Variants in SLC2A5 observed in about 807,000 individuals in gnomAD.
SLC2A5 encodes solute carrier family 2, facilitated glucose transporter member 5.
In SLC2A5, 56 loss-of-function variants were observed where a neutral mutation model predicts 50.3. The ratio of observed to expected loss-of-function variants is 1.11; its 90% CI spans 0.90 to 1.39. The LOEUF is 1.39. Among genes scored for constraint, SLC2A5 ranks in the 40% most tolerant of loss-of-function variants. The pLI is 0.00. For missense variants in SLC2A5, 566 were observed against 650.1 expected, an observed-to-expected ratio of 0.87 and a Z score of 1.41; for synonymous variants, 269 against 281.9, an observed-to-expected ratio of 0.95 and a Z score of 0.46.
chr1:9,086,488 A>T (rs1227623345), intron 1 of SLC2A5, among the ~76,000 whole-genome samples: 1 of 151,482 alleles, frequency 6.6e-6, no homozygotes, highest in Non-Finnish European at 1.5e-5. Flanking sequence ...TCCCAGGTTC[A>T]AGTGATTCTC....
In SLC2A5 at chr1:9,080,816, T is replaced by A. The variant is rs563653276; in HGVS notation, c.-59+4198A>T. On this transcript the variant is annotated intron_variant, in intron 2 of 5. Transcript: ENST00000464985. ...GGAATTATTTTGAGTCTTAAAGGAA[T>A]GTGCTTATGGGACCTTTAATCCCTC... 1.0e-3 allele frequency among the ~76,000 whole-genome samples: 155 copies of A among 152,368 alleles called. 1 individual carries two copies. Among genetic ancestry groups the A allele is most frequent in the African/African-American group, 3.7e-3 (152 of 41,580 alleles).
At chr1:9,047,091 A>G (rs1002186313) in intron 4 of SLC2A5, among the ~76,000 whole-genome samples, 7 of 152,164 alleles carry the variant, frequency 4.6e-5, no homozygotes, top group South Asian at 2.1e-4. Flanking sequence ...TAAGTCAATT[A>G]GACTTCTTTT....
upstream of SLC2A5, among the ~76,000 whole-genome samples, chr1:9,092,190 A>G (rs1642467768): frequency 2.0e-5 from 3 of 152,132 alleles, no homozygotes; most frequent in Admixed American, 2.0e-4. Flanking sequence ...GCCTCAACCA[A>G]TCACCCAATT....
rs753399377 is a variant in SLC2A5 at position 9,041,900 on chromosome 1, C to G, written c.456G>C (p.Glu152Asp). ...SSNVVPMYLG[E>D]LAPKNLRGAL... ...CCCCCCGCAGGTTTTTAGGGGCCAG[C>G]TCCCCTAAGTACATGGGGACCACGT... The change falls in exon 5 of 12, where the codon GAG becomes GAC. Residue 152 changes from glutamate to aspartate, a missense_variant. Glu to Asp is a conservative substitution (Grantham distance 45). Transcript: ENST00000377424. The G allele has an allele frequency of 1.9e-6, 3 of 1,613,522 alleles. No individual in the cohort carries two copies. In the East Asian group the frequency reaches 6.7e-5, roughly 36 times the overall value.
At chr1:9,063,727 G>A (rs1401782633) in intron 1 of SLC2A5, among the ~76,000 whole-genome samples, 2 of 93,112 alleles carry the variant, frequency 2.1e-5, no homozygotes, top group Admixed American at 1.7e-4. Context: ...CGGAGTCTTC[G>A]CTCTGTCGCC....
intron 1 of SLC2A5, among the ~76,000 whole-genome samples, chr1:9,066,062 T>C (rs956348179): frequency 1.3e-5 from 2 of 152,148 alleles, no homozygotes; most frequent in African/African-American, 4.8e-5. Flanking sequence ...GGTTAATTAA[T>C]CCATTAATTA....
chr1:9,039,816 AGCTGCTGGCC>A lies in SLC2A5; in HGVS notation c.859_868del (p.Gly287CysfsTer16), dbSNP rs1641249289. On this transcript the variant is annotated frameshift_variant, in exon 7 of 12. Coordinates refer to ENST00000377424, the MANE Select transcript of SLC2A5 (RefSeq NM_003039.3). LOFTEE classifies it high-confidence loss of function. ...GGCCCATACAGCGTTGACGCCCGACAGCTGCTGGCCGCCCATGAGGACGATGATGGACAGC... is the reference window on the plus strand; with the variant it reads ...GGCCCATACAGCGTTGACGCCCGACAGCCCATGAGGACGATGATGGACAGC... The A allele has an allele frequency of 6.3e-7, 1 of 1,597,298 alleles. No homozygotes were observed. The highest frequency in any genetic ancestry group is 2.3e-5 in the East Asian group (1 of 44,022).
At chr1:9,077,047 A>G (rs1028821631) in intron 2 of SLC2A5, among the ~76,000 whole-genome samples, 5 of 150,910 alleles carry the variant, frequency 3.3e-5, no homozygotes, top group African/African-American at 9.7e-5. Context: ...TCAGCCTCCC[A>G]AAGTGCTGGG....
chr1:9,037,738 TGAG>T lies in SLC2A5; in HGVS notation c.1351_1353del (p.Leu451del). The T allele has an allele frequency of 1.9e-6, 3 of 1,614,038 alleles. No homozygotes were observed. The highest frequency in any genetic ancestry group is 2.5e-6 in the Non-Finnish European group (3 of 1,180,014). On this transcript the variant is annotated inframe_deletion, in exon 12 of 12. Coordinates refer to ENST00000377424, the MANE Select transcript of SLC2A5 (RefSeq NM_003039.3). ...ACAATCAAGAAGATGTAGATGGTGG[TGAG>T]GAGGCAGATCACGGCGAAGACAATG...
Position 9,049,462 on chromosome 1 carries a change from G to A in SLC2A5, c.294-1728C>T, listed in dbSNP as rs146345126. Among the ~76,000 whole-genome samples, 668 of 152,228 alleles carry A rather than the reference G, an allele frequency of 4.4e-3. 4 individuals carry two copies. The highest frequency in any genetic ancestry group is 0.015 in the African/African-American group (619 of 41,534). ...AAACAGGCCGGGCATGGTGGCTCAC[G>A]CCTGTAATCCCAGCACTTTGAGAGG... On this transcript the variant is annotated intron_variant, in intron 3 of 11. Transcript: ENST00000377424.
rs376469542 is a variant in SLC2A5, at chr1:9,047,388, T to G, written c.418+222A>C. ...TGGAATGACACTTCCCAGGTTAAGA[T>G]TCTGCATTTCAGTCTTTCAAAGATG... On this transcript the variant is annotated intron_variant, in intron 4 of 11. Transcript: ENST00000377424. 1.2e-3 allele frequency among the ~76,000 whole-genome samples: 184 copies of G among 152,330 alleles called. 1 individual carries two copies. Among genetic ancestry groups the G allele is most frequent in the African/African-American group, 4.1e-3 (171 of 41,584 alleles).
At position 9,040,065 on chromosome 1, in the gene SLC2A5, T is replaced by C. The variant is rs1641258977; in HGVS notation, c.696A>G (p.Lys232=). The stretch of plus-strand genomic sequence containing the variant: ...CGCCCCCGCCAGAGCCCTCGTTACC[T>C]TTCTTGGCGGCCGCTTCGTCTTTCT... ...IQKKDEAAAK[K]ALQTLRGWDS... Residue 232 remains lysine (K), a splice_region_variant and synonymous_variant, in exon 6 of 12, where the codon AAA becomes AAG. Coordinates refer to ENST00000377424, the MANE Select transcript of SLC2A5 (RefSeq NM_003039.3). This position sits in a 1 kb window ranked among gnomAD's most constrained non-coding sequence, Gnocchi z 4.3. The C allele has an allele frequency of 1.3e-6, 2 of 1,586,580 alleles. No individual in the cohort carries two copies. Among genetic ancestry groups the C allele is most frequent in the Non-Finnish European group, 1.7e-6 (2 of 1,164,158 alleles).
chr1:9,040,023 G>T lies in SLC2A5; in HGVS notation c.698-36C>A. On this transcript the variant is annotated intron_variant, in intron 6 of 11. Coordinates refer to ENST00000377424, the MANE Select transcript of SLC2A5 (RefSeq NM_003039.3). The surrounding 1 kb of genome is among the most constrained non-coding windows in gnomAD (Gnocchi z 4.3). ...GCGGCACCGTCGGACCAGGGCTGGG[G>T]AGCAGAACCTGGAGGCCGCCCCCGC... is the stretch of plus-strand genomic sequence containing the variant. 6.3e-7 allele frequency: 1 copy of T among 1,589,580 alleles called. No individual in the cohort carries two copies. The highest frequency in any genetic ancestry group is 8.6e-7 in the Non-Finnish European group (1 of 1,164,596).
chr1:9,092,016 T>C (rs1157424611), upstream of SLC2A5, among the ~76,000 whole-genome samples: 1 of 152,186 alleles, frequency 6.6e-6, no homozygotes, highest in Non-Finnish European at 1.5e-5. Flanking sequence ...AGTGGGGCTA[T>C]CTCACGGCTC....
At chr1:9,074,694 C>T (rs1030156535) in intron 2 of SLC2A5, among the ~76,000 whole-genome samples, 9 of 152,068 alleles carry the variant, frequency 5.9e-5, no homozygotes, top group African/African-American at 2.2e-4. Context: ...ATATGAAGAC[C>T]TTAAAGAGAA....
upstream of SLC2A5, among the ~76,000 whole-genome samples, chr1:9,091,526 G>T (rs1169404592): frequency 4.6e-5 from 7 of 152,096 alleles, no homozygotes; most frequent in African/African-American, 1.7e-4. Flanking sequence ...TCAGCCATAA[G>T]GTGCTCATCT....
upstream of SLC2A5, chr1:9,072,419 A>T (rs1642230554): frequency 2.0e-5 from 3 of 152,182 alleles, no homozygotes; most frequent in Admixed American, 6.6e-5. Context: ...TTAAAGTTCC[A>T]TCTGGATGTC....
At chr1:9,068,790 C>A (rs896440652) in intron 1 of SLC2A5, among the ~76,000 whole-genome samples, 1 of 152,198 alleles carries the variant, frequency 6.6e-6, no homozygotes, top group South Asian at 2.1e-4. Context: ...CATGCCTGAA[C>A]AAATGCTGTT....
rs1302108098 is a variant in SLC2A5, at chr1:9,039,642, C to G, written c.906G>C (p.Gln302His). Reference sequence around the variant, plus strand: ...CCGGCACGCCGGCGCTCAGGTAGATCTGGTCCGCGTAGTAGTAGATCTGCA... The same window carrying G: ...CCGGCACGCCGGCGCTCAGGTAGATGTGGTCCGCGTAGTAGTAGATCTGCA... ...GVNAIYYYADQIYLSAGVPEE... is the reference protein window; with the variant it reads ...GVNAIYYYADHIYLSAGVPEE... The change falls in exon 8 of 12, where the codon CAG becomes CAC. Residue 302 changes from glutamine to histidine, a missense_variant. Transcript: ENST00000377424. 1.3e-6 allele frequency: 2 copies of G among 1,557,230 alleles called. No homozygotes were observed. Among genetic ancestry groups the G allele is most frequent in the African/African-American group, 1.4e-5 (1 of 73,014 alleles).
Sources: gnomAD v4.1 joint callset for allele counts (sites outside exome capture counted in the v4.1 genomes callset) on GRCh38, gnomAD v4.1.1 for gene constraint, Gnocchi (gnomAD v3.1) non-coding constraint, MANE v1.5 for transcripts, NCBI Gene and HGNC (gene_info 2026-07-23, HGNC 2026-07-21) for gene names.